MS4A5: variants seen among roughly 807,000 people sequenced by gnomAD.
MS4A5 encodes membrane-spanning 4-domains subfamily A member 5.
A neutral mutation model predicts 18.2 loss-of-function variants in MS4A5; 15 were observed. The observed-to-expected ratio is 0.83, with a 90% CI of 0.55 to 1.27. The LOEUF (loss-of-function observed/expected upper bound fraction) is 1.27. MS4A5 is among the 50% of genes most tolerant of loss of function. The pLI is 0.00. For missense variants in MS4A5, 232 were observed against 225.7 expected (o/e 1.03, Z -0.18); for synonymous variants, 89 against 78.7 (o/e 1.13, Z -0.69).
At position 60,437,807 on chromosome 11, in the gene MS4A5, C is replaced by T. The variant is rs1319583143; in HGVS notation, c.492+3890C>T. ...AGTGACCTACAAAGAGACTTAGACT[C>T]CCACACATTAATAATGGGAGACTTT... On this transcript the variant is annotated intron_variant, in intron 4 of 4. Transcript: ENST00000300190. Among the ~76,000 whole-genome samples the T allele has an allele frequency of 5.3e-5, 8 of 150,800 alleles. No homozygotes were observed. In the South Asian group the frequency reaches 1.5e-3, roughly 28 times the overall value.
intron 4 of MS4A5, among the ~76,000 whole-genome samples, chr11:60,444,503 CCTCT>C (rs936949171): frequency 6.6e-6 from 1 of 151,402 alleles, no homozygotes; most frequent in African/African-American, 2.4e-5. Flanking sequence ...GAGAAAATTT[CCTCT>C]CTCTATATAT....
At position 60,435,290 on chromosome 11, in the gene MS4A5, C is replaced by A. The variant is rs550501373; in HGVS notation, c.492+1373C>A. The stretch of plus-strand genomic sequence containing the variant: ...AAAAGAGGCCTAAAAAGAAATAAGA[C>A]AATGCGAATAACAACTAATAGAAAC... On this transcript the variant is annotated intron_variant, in intron 4 of 4. Coordinates refer to ENST00000300190, the MANE Select transcript of MS4A5 (RefSeq NM_023945.3). 5.7e-3 allele frequency: 2,347 copies of A among 414,322 alleles called. 41 individuals are homozygous for A. Among genetic ancestry groups the A allele is most frequent in the South Asian group, 0.02 (1,129 of 56,616 alleles). The allele number at this position is 414,322 out of a possible 1,614,324, so 25.7% of individuals were successfully genotyped here. A position where few individuals can be genotyped will look rare whatever the true frequency, so the allele number is the denominator to read the frequency against.
intron 2 of MS4A5, among the ~76,000 whole-genome samples, chr11:60,431,467 G>A (rs2086048300): frequency 6.6e-6 from 1 of 152,176 alleles, no homozygotes; most frequent in African/African-American, 2.4e-5. Context: ...CTAATTTAGT[G>A]CCAGAGAATG....
At chr11:60,443,361 T>C (rs1306416924) in intron 4 of MS4A5, among the ~76,000 whole-genome samples, 6 of 151,580 alleles carry the variant, frequency 4.0e-5, no homozygotes, top group Admixed American at 2.0e-4. Flanking sequence ...TCCCCAAAAC[T>C]GTTTTGAAAT....
At chr11:60,430,225 C>T (rs976026399) in intron 1 of MS4A5, among the ~76,000 whole-genome samples, 2 of 150,726 alleles carry the variant, frequency 1.3e-5, no homozygotes, top group African/African-American at 4.9e-5. Flanking sequence ...CTTGGTGTCA[C>T]AGTGCATCAC....
chr11:60,441,468 GA>G (rs141966098), intron 4 of MS4A5, among the ~76,000 whole-genome samples: 3 of 103,452 alleles, frequency 2.9e-5, no homozygotes, highest in Non-Finnish European at 3.9e-5. Context: ...AAAAAAAAAA[GA>G]AAAAAAAAGA....
At chr11:60,435,309 TAGAAAC>T (rs1208328983) in intron 4 of MS4A5, 2 of 409,736 alleles carry the variant, frequency 4.9e-6, no homozygotes, top group East Asian at 7.7e-5. Flanking sequence ...TAACAACTAA[TAGAAAC>T]AGAACATAGC....
intron 4 of MS4A5, among the ~76,000 whole-genome samples, chr11:60,438,355 T>A (rs950143475): frequency 3.9e-4 from 60 of 151,936 alleles, no homozygotes; most frequent in African/African-American, 1.4e-3. Flanking sequence ...AACATCACAA[T>A]TAAAAGAACT....
At chr11:60,433,625 A>G (rs1182589065) in intron 3 of MS4A5, 140 bp from the exon 4 acceptor site, 2 of 740,452 alleles carry the variant, frequency 2.7e-6, no homozygotes, top group Admixed American at 2.7e-5. Context: ...ATGTGAAGCA[A>G]TTCGCACAGG....
Position 60,429,645 on chromosome 11 carries a change from A to G in MS4A5, c.-30A>G. On this transcript the variant is annotated 5_prime_UTR_variant, in exon 1 of 5. Transcript: ENST00000300190. ...TCTAGACTGAAGTACCAACTAAATC[A>G]TCTCCTTTCAAATTATCACCGACAC... 6.3e-7 allele frequency: 1 copy of G among 1,593,668 alleles called. No homozygotes were observed. Among genetic ancestry groups the G allele is most frequent in the Non-Finnish European group, 8.5e-7 (1 of 1,172,402 alleles).
intron 4 of MS4A5, among the ~76,000 whole-genome samples, chr11:60,434,825 G>A (rs1197993737): frequency 6.6e-6 from 1 of 152,096 alleles, no homozygotes; most frequent in Non-Finnish European, 1.5e-5. Context: ...TCCAATCCCT[G>A]GCCCATGTGG....
At chr11:60,437,647 A>G (rs1307553898) in intron 4 of MS4A5, among the ~76,000 whole-genome samples, 3 of 150,358 alleles carry the variant, frequency 2.0e-5, no homozygotes, top group Non-Finnish European at 4.5e-5. Context: ...AACAGACTTT[A>G]AATCAACAAA....
intron 1 of MS4A5, among the ~76,000 whole-genome samples, chr11:60,430,348 A>G: frequency 6.6e-6 from 1 of 152,098 alleles, no homozygotes; most frequent in East Asian, 1.9e-4. Context: ...GGCCATCTCC[A>G]GGCAGGGCTC....
At chr11:60,431,628 C>G (rs964969883) in intron 2 of MS4A5, among the ~76,000 whole-genome samples, 2 of 152,140 alleles carry the variant, frequency 1.3e-5, no homozygotes, top group Non-Finnish European at 2.9e-5. Flanking sequence ...ACAGAGGGGA[C>G]AACGCCCAGA....
At chr11:60,432,923 C>T (rs2086058939) in intron 3 of MS4A5, among the ~76,000 whole-genome samples, 1 of 151,892 alleles carries the variant, frequency 6.6e-6, no homozygotes, top group Admixed American at 6.6e-5. Context: ...GTATTAATAC[C>T]AATAAACAGC....
At chr11:60,441,636 A>G (rs1436188917) in intron 4 of MS4A5, among the ~76,000 whole-genome samples, 12 of 150,724 alleles carry the variant, frequency 8.0e-5, no homozygotes, top group Non-Finnish European at 1.2e-4. Flanking sequence ...AAAAAAAAAA[A>G]GAAAGAAATG....
At chr11:60,445,555 C>A (rs1396013438) in intron 4 of MS4A5, among the ~76,000 whole-genome samples, 1 of 152,060 alleles carries the variant, frequency 6.6e-6, no homozygotes, top group Admixed American at 6.5e-5. Flanking sequence ...CTGGCGCAAC[C>A]AGCCAAAATA....
intron 4 of MS4A5, among the ~76,000 whole-genome samples, chr11:60,442,156 T>G (rs2086116514): frequency 6.6e-6 from 1 of 152,186 alleles, no homozygotes; most frequent in Admixed American, 6.5e-5. Flanking sequence ...ACCAAATAAC[T>G]ACAATTATAA....
At chr11:60,447,189 C>CCTATGCTATGCTATCCTATG (rs1414832018) in intron 4 of MS4A5, among the ~76,000 whole-genome samples, 5 of 146,622 alleles carry the variant, frequency 3.4e-5, no homozygotes, top group Non-Finnish European at 7.5e-5. Context: ...GCTATGCTAT[C>CCTATGCTATGCTATCCTATG]CTATGCTATG....
Sources: allele counts gnomAD v4.1 joint callset (sites outside exome capture counted in the v4.1 genomes callset), GRCh38; gene constraint gnomAD v4.1.1; transcripts MANE v1.5; gene names NCBI Gene and HGNC (gene_info 2026-07-23, HGNC 2026-07-21).